Variants in CECR2 observed in about 807,000 individuals in gnomAD.
CECR2 encodes the protein chromatin remodeling regulator CECR2.
In CECR2, 30 loss-of-function variants were observed where a neutral mutation model predicts 154.5. That is an observed-to-expected ratio of 0.19 (90% CI 0.15 to 0.26). CECR2 has a LOEUF of 0.26. CECR2 is among the 10% of genes least tolerant of loss of function. The probability of loss-of-function intolerance (pLI) is 1.00; values close to 1 mark genes in which losing one functional copy is unlikely to be tolerated. For synonymous variants in CECR2, 725 were observed against 683.7 expected, an observed-to-expected ratio of 1.06 and a Z score of -0.94; for missense variants, 1,743 against 1,829.3, an observed-to-expected ratio of 0.95 and a Z score of 0.86.
At chr22:17,442,337 G>C (rs868229344) in intron 1 of CECR2, among the ~76,000 whole-genome samples, 2 of 152,190 alleles carry the variant, frequency 1.3e-5, no homozygotes, top group Admixed American at 6.5e-5. Context: ...GCCAAGATGG[G>C]AGAGGATAGC....
chr22:17,452,353 C>G (rs1418555374), intron 1 of CECR2, among the ~76,000 whole-genome samples: 1 of 152,172 alleles, frequency 6.6e-6, no homozygotes, highest in East Asian at 1.9e-4. Context: ...GGATTACAGG[C>G]GTGAGCTGCC....
intron 1 of CECR2, among the ~76,000 whole-genome samples, chr22:17,439,799 G>A (rs1047559607): frequency 6.6e-5 from 10 of 152,176 alleles, no homozygotes; most frequent in Non-Finnish European, 1.2e-4. Flanking sequence ...TGTCATTGCA[G>A]CGTGGTTCTG....
chr22:17,469,159 A>T (rs201257546), intron 1 of CECR2, among the ~76,000 whole-genome samples: 2 of 152,028 alleles, frequency 1.3e-5, no homozygotes, highest in African/African-American at 2.4e-5. Context: ...CAATCAGCTC[A>T]GCATCTTATG....
At position 17,524,120 on chromosome 22, in the gene CECR2, G is replaced by T; in HGVS notation, c.957G>T (p.Glu319Asp). ...HLSIKPVKQEETPVLTRIEKQ... is the reference protein window; with the variant it reads ...HLSIKPVKQEDTPVLTRIEKQ... ...ATGTGCTCATTGGCTCCTCACAGGA[G>T]ACTCCTGTGCTGACCAGAATAGAAA... Residue 319 changes from glutamate to aspartate, a missense_variant and splice_region_variant, in exon 9 of 19, where the codon GAG becomes GAT. Around this residue, in one of 4 missense-constraint regions of CECR2, gnomAD observed 292 missense variants for 301.2 expected, o/e 0.97. Coordinates refer to ENST00000262608, the MANE Select transcript of CECR2 (RefSeq NM_001290047.2). 2 of 1,583,752 alleles carry T rather than the reference G, an allele frequency of 1.3e-6. No homozygotes were observed. The highest frequency in any genetic ancestry group is 1.7e-6 in the Non-Finnish European group (2 of 1,165,288).
Position 17,391,638 on chromosome 22 carries a change from TG to T in CECR2, c.126+21730del, listed in dbSNP as rs1373572031. Among the ~76,000 whole-genome samples the T allele has an allele frequency of 2.0e-5, 3 of 152,268 alleles. No homozygotes were observed. The East Asian group carries it at 5.8e-4, about 29-fold the overall frequency. On this transcript the variant is annotated intron_variant, in intron 1 of 18. Coordinates refer to ENST00000262608, the MANE Select transcript of CECR2 (RefSeq NM_001290047.2). ...TTACATTTTCTTTCATTTTAGATTTTGATTATGGTAATAATATGGAAATTAT... is the reference window on the plus strand; with the variant it reads ...TTACATTTTCTTTCATTTTAGATTTTATTATGGTAATAATATGGAAATTAT...
At chr22:17,505,413 C>T (rs893618817) in intron 7 of CECR2, among the ~76,000 whole-genome samples, 9 of 152,156 alleles carry the variant, frequency 5.9e-5, no homozygotes, top group Non-Finnish European at 1.0e-4. Context: ...CTGGCTCTAC[C>T]TGATTGTGTC....
chr22:17,527,741 G>A (rs2056288469), intron 9 of CECR2, among the ~76,000 whole-genome samples: 2 of 145,670 alleles, frequency 1.4e-5, no homozygotes, highest in African/African-American at 2.6e-5. Context: ...CTTCATTCCA[G>A]CCTGGGCAAT....
At chr22:17,443,871 G>A (rs2054619100) in intron 1 of CECR2, among the ~76,000 whole-genome samples, 2 of 152,090 alleles carry the variant, frequency 1.3e-5, no homozygotes, top group South Asian at 4.1e-4. Context: ...GATTCAGACT[G>A]GGAAAACATT....
intron 2 of CECR2, among the ~76,000 whole-genome samples, chr22:17,481,772 A>T (rs962286917): frequency 1.3e-5 from 2 of 152,188 alleles, no homozygotes; most frequent in South Asian, 4.1e-4. Context: ...TCATGTGGTT[A>T]TGGTGATGCT....
At chr22:17,525,062 T>C (rs1385937488) in intron 9 of CECR2, among the ~76,000 whole-genome samples, 1 of 147,316 alleles carries the variant, frequency 6.8e-6, no homozygotes, top group Non-Finnish European at 1.5e-5. Context: ...GGGGGGCGGA[T>C]CACATGAGGT....
chr22:17,369,674 C>T lies in CECR2; in HGVS notation c.-110C>T, dbSNP rs2063030950. 1 of 147,638 alleles carries T rather than the reference C, an allele frequency of 6.8e-6. No individual in the cohort carries two copies. The allele number at this position is 147,638 out of a possible 1,614,324, so 9.1% of individuals were successfully genotyped here. A position where few individuals can be genotyped will look rare whatever the true frequency, so the allele number is the denominator to read the frequency against. On this transcript the variant is annotated 5_prime_UTR_variant, in exon 1 of 19. Transcript: ENST00000262608. ...GGCAGCAGCGGGAGGAGCGCCCCGC[C>T]GCCCCCGCCGAGGACCGCGCGGAGG...
intron 7 of CECR2, among the ~76,000 whole-genome samples, chr22:17,510,891 C>T (rs1040076060): frequency 7.9e-5 from 12 of 152,276 alleles, no homozygotes; most frequent in South Asian, 2.1e-4. Context: ...AGGCGTGAGC[C>T]ACCCCACCCA....
chr22:17,503,377 A>G (rs1462009635), intron 6 of CECR2, among the ~76,000 whole-genome samples: 2 of 152,210 alleles, frequency 1.3e-5, no homozygotes, highest in Non-Finnish European at 2.9e-5. Context: ...ACAGTGTAAT[A>G]GACACCTTAA....
intron 1 of CECR2, among the ~76,000 whole-genome samples, chr22:17,440,084 A>C (rs1296014049): frequency 1.3e-5 from 2 of 151,914 alleles, no homozygotes; most frequent in African/African-American, 4.8e-5. Flanking sequence ...AAAAAAACAA[A>C]AAAAGTATAC....
intron 1 of CECR2, among the ~76,000 whole-genome samples, chr22:17,464,411 C>T (rs751537619): frequency 9.9e-5 from 15 of 152,162 alleles, no homozygotes; most frequent in Non-Finnish European, 1.9e-4. Flanking sequence ...GCTCTGCCAC[C>T]CCTCACTGTC....
chr22:17,448,657 G>T (rs1381382559), intron 1 of CECR2, among the ~76,000 whole-genome samples: 1 of 152,046 alleles, frequency 6.6e-6, no homozygotes, highest in Non-Finnish European at 1.5e-5. Flanking sequence ...TGATCCTCTG[G>T]CCCCATCCGT....
chr22:17,541,368 C>T (rs2056519920), intron 14 of CECR2, among the ~76,000 whole-genome samples: 1 of 152,124 alleles, frequency 6.6e-6, no homozygotes, highest in African/African-American at 2.4e-5. Flanking sequence ...TTGCTTGAAC[C>T]CAGGAGGCAG....
chr22:17,527,315 G>A (rs952599607), intron 9 of CECR2, among the ~76,000 whole-genome samples: 9 of 151,856 alleles, frequency 5.9e-5, no homozygotes, highest in African/African-American at 1.9e-4. Flanking sequence ...AAAATTAACC[G>A]AGCATGGTTG....
intron 1 of CECR2, among the ~76,000 whole-genome samples, chr22:17,422,716 T>A (rs2054274999): frequency 6.6e-6 from 1 of 151,896 alleles, no homozygotes; most frequent in Admixed American, 6.6e-5. Flanking sequence ...TCTTTTTTTT[T>A]TCCCTTTGGT....
Sources: gnomAD v4.1 joint callset for allele counts (sites outside exome capture counted in the v4.1 genomes callset) on GRCh38, gnomAD v4.1.1 for gene constraint, gnomAD v4.1.1 regional missense constraint, MANE v1.5 for transcripts, NCBI Gene and HGNC (gene_info 2026-07-23, HGNC 2026-07-21) for gene names.